ABCA13: variants seen among roughly 807,000 people sequenced by gnomAD.
The protein encoded by ABCA13 is ATP-binding cassette sub-family A member 13.
A neutral mutation model predicts 478.7 loss-of-function variants in ABCA13; 476 were observed. That is an observed-to-expected ratio of 0.99 (90% confidence interval 0.92 to 1.07). ABCA13 has a LOEUF of 1.07. ABCA13 is among the 50% of genes least tolerant of loss of function. ABCA13 has a pLI of 0.00. For missense variants in ABCA13, 6,060 were observed against 5,910.6 expected, an observed-to-expected ratio of 1.03 and a Z score of -0.83; for synonymous variants, 2,252 against 2,158.9, an observed-to-expected ratio of 1.04 and a Z score of -1.20.
In ABCA13 at chr7:48,550,646, A is replaced by G. The variant is rs555735387; in HGVS notation, c.14354+22301A>G. Among the ~76,000 whole-genome samples the G allele has an allele frequency of 2.6e-5, 4 of 151,868 alleles. No homozygotes were observed. The South Asian group carries it at 6.2e-4, about 24-fold the overall frequency. ...TCTTCTTTTTTCAGTGGATGATGCC[A>G]CTGGCTGAATAATACTGTGAATCCA... On this transcript the variant is annotated intron_variant, in intron 55 of 61. Coordinates refer to ENST00000435803, the MANE Select transcript of ABCA13 (RefSeq NM_152701.5).
intron 55 of ABCA13, among the ~76,000 whole-genome samples, chr7:48,558,325 C>T (rs1422271211): frequency 1.3e-5 from 2 of 150,838 alleles, no homozygotes; most frequent in East Asian, 3.9e-4. Context: ...GGCTCACTGC[C>T]TCACCCTGTC....
chr7:48,293,192 G>GCGCC (rs748200533), intron 20 of ABCA13, among the ~76,000 whole-genome samples: 2 of 108,326 alleles, frequency 1.8e-5, no homozygotes, highest in African/African-American at 3.0e-5. Flanking sequence ...GAAGTCTTCA[G>GCGCC]CCCCCCCCCC....
chr7:48,639,832 T>G (rs1486448404), intron 59 of ABCA13, among the ~76,000 whole-genome samples: 1 of 152,226 alleles, frequency 6.6e-6, no homozygotes, highest in East Asian at 1.9e-4. Flanking sequence ...CCTAAATAAA[T>G]GATTTTTAAA....
At chr7:48,471,034 A>G (rs918331375) in intron 44 of ABCA13, among the ~76,000 whole-genome samples, 1 of 152,250 alleles carries the variant, frequency 6.6e-6, no homozygotes, top group Non-Finnish European at 1.5e-5. Flanking sequence ...AACCACTGCT[A>G]CAAATGGTTT....
chr7:48,352,044 T>A (rs1809089773), intron 30 of ABCA13, 137 bp from the exon 31 acceptor site: 2 of 793,818 alleles, frequency 2.5e-6, no homozygotes, highest in African/African-American at 3.4e-5. Flanking sequence ...CACTGCGGGC[T>A]GGGGCTCTGA....
At chr7:48,283,330 A>G (rs927634600) in intron 19 of ABCA13, among the ~76,000 whole-genome samples, 2 of 152,130 alleles carry the variant, frequency 1.3e-5, no homozygotes, top group African/African-American at 4.8e-5. Flanking sequence ...CATTTTTCAA[A>G]ACAAAAAAGA....
intron 1 of ABCA13, among the ~76,000 whole-genome samples, chr7:48,187,042 T>C (rs1796447675): frequency 6.9e-6 from 1 of 145,348 alleles, no homozygotes; most frequent in Admixed American, 7.0e-5. Flanking sequence ...TATATCAGTG[T>C]ATACATATAT....
intron 31 of ABCA13, among the ~76,000 whole-genome samples, chr7:48,362,932 C>T (rs926810729): frequency 1.3e-5 from 2 of 152,122 alleles, no homozygotes; most frequent in Non-Finnish European, 1.5e-5. Flanking sequence ...TTTTCTTCGT[C>T]TCTAACTCAT....
chr7:48,346,926 GGTTA>G (rs1808205870), intron 29 of ABCA13, among the ~76,000 whole-genome samples: 1 of 152,166 alleles, frequency 6.6e-6, no homozygotes, highest in Admixed American at 6.5e-5. Flanking sequence ...TCCCAAACCA[GGTTA>G]CCCCAGCCCA....
intron 13 of ABCA13, among the ~76,000 whole-genome samples, chr7:48,247,035 G>C (rs1287294847): frequency 3.3e-5 from 5 of 152,048 alleles, no homozygotes; most frequent in Admixed American, 6.6e-5. Flanking sequence ...AGGAGTTTAA[G>C]ACCAACCTGG....
At chr7:48,370,382 A>G (rs949636750) in intron 32 of ABCA13, among the ~76,000 whole-genome samples, 5 of 152,100 alleles carry the variant, frequency 3.3e-5, no homozygotes, top group African/African-American at 1.2e-4. Context: ...GATGCCCTTC[A>G]TTTCTTTATC....
At chr7:48,594,882 A>T in intron 58 of ABCA13, 69 bp downstream of exon 58, 3 of 1,300,866 alleles carry the variant, frequency 2.3e-6, no homozygotes, top group Non-Finnish European at 3.3e-6. Flanking sequence ...AAGTGCATTT[A>T]GGTACCTGCA....
intron 42 of ABCA13, among the ~76,000 whole-genome samples, chr7:48,442,475 C>CT (rs1823755645): frequency 6.6e-6 from 1 of 152,098 alleles, no homozygotes; most frequent in Non-Finnish European, 1.5e-5. Context: ...CCTTTGGGTC[C>CT]TTTTTTAAAA....
intron 41 of ABCA13, among the ~76,000 whole-genome samples, chr7:48,423,004 T>C (rs755576772): frequency 2.0e-5 from 3 of 152,216 alleles, no homozygotes; most frequent in Non-Finnish European, 4.4e-5. Context: ...ATATTAGGCT[T>C]CTGACCCCCA....
intron 3 of ABCA13, among the ~76,000 whole-genome samples, chr7:48,209,551 G>A (rs1785355084): frequency 6.6e-6 from 1 of 151,968 alleles, no homozygotes; most frequent in South Asian, 2.1e-4. Context: ...CCTGTTGTTG[G>A]TTTATTCAAA....
intron 15 of ABCA13, among the ~76,000 whole-genome samples, chr7:48,255,607 G>GC (rs574541573): frequency 6.8e-4 from 104 of 152,230 alleles, no homozygotes; most frequent in Non-Finnish European, 1.0e-3. Context: ...CTGGCCCCCA[G>GC]CTACATCCAT....
At chr7:48,395,883 A>G (rs1036422709) in intron 38 of ABCA13, among the ~76,000 whole-genome samples, 1 of 152,240 alleles carries the variant, frequency 6.6e-6, no homozygotes, top group Non-Finnish European at 1.5e-5. Context: ...GTTGAAAGTT[A>G]TACACAGATT....
At chr7:48,479,123 TG>T (rs1828478655) in intron 45 of ABCA13, among the ~76,000 whole-genome samples, 1 of 151,690 alleles carries the variant, frequency 6.6e-6, no homozygotes, top group South Asian at 2.1e-4. Context: ...AATTTTTTTT[TG>T]TATTTTTAGT....
intron 41 of ABCA13, among the ~76,000 whole-genome samples, chr7:48,426,598 C>A (rs922406695): frequency 6.6e-6 from 1 of 152,136 alleles, no homozygotes; most frequent in East Asian, 1.9e-4. Flanking sequence ...TGGACAGTGA[C>A]GCTGGCCCAG....
Sources: gnomAD v4.1 joint callset for allele counts (sites outside exome capture counted in the v4.1 genomes callset) on GRCh38, gnomAD v4.1.1 for gene constraint, MANE v1.5 for transcripts, NCBI Gene and HGNC (gene_info 2026-07-23, HGNC 2026-07-21) for gene names.